The following GNB4 variants were observed in gnomAD, a reference collection of about 807,000 sequenced individuals.
The protein encoded by GNB4 is guanine nucleotide-binding protein subunit beta-4.
Under a neutral mutation model 45.2 loss-of-function variants are expected in GNB4, and 28 were observed. The ratio of observed to expected loss-of-function variants is 0.62; its 90% CI spans 0.46 to 0.85. GNB4 has a LOEUF of 0.85. Ranked by LOEUF, GNB4 falls within the 40% of genes least tolerant of loss-of-function variation. GNB4 has a pLI of 0.00. For synonymous variants in GNB4, 132 were observed against 143.7 expected, an observed-to-expected ratio of 0.92 and a Z score of 0.58; for missense variants, 321 against 425.4, an observed-to-expected ratio of 0.75 and a Z score of 2.16.
chr3:179,517,310 C>A, the GNB4 span, among the ~76,000 whole-genome samples: 1 of 152,194 alleles, frequency 6.6e-6, no homozygotes, highest in East Asian at 1.9e-4. Flanking sequence ...GAACAACCCC[C>A]CTTTGACTGT....
intron 1 of GNB4, among the ~76,000 whole-genome samples, chr3:179,446,629 G>C (rs180913425): frequency 5.9e-5 from 9 of 152,128 alleles, no homozygotes; most frequent in Middle Eastern, 3.4e-3. Flanking sequence ...CTAGGTTCTT[G>C]TATTTTAGTT....
intron 9 of GNB4, among the ~76,000 whole-genome samples, chr3:179,403,338 TGAA>T (rs376790468): frequency 2.2e-4 from 33 of 151,794 alleles, no homozygotes; most frequent in African/African-American, 7.7e-4. Context: ...AGATGATGCT[TGAA>T]GAAGAAACTT....
chr3:179,411,533 C>A (rs925668217), intron 8 of GNB4, among the ~76,000 whole-genome samples: 1 of 148,232 alleles, frequency 6.7e-6, no homozygotes, highest in Non-Finnish European at 1.5e-5. Flanking sequence ...AAAAACCACA[C>A]GAACATCTCA....
the GNB4 span, among the ~76,000 whole-genome samples, chr3:179,465,954 C>T: frequency 2.0e-5 from 3 of 150,316 alleles, no homozygotes; most frequent in African/African-American, 7.3e-5. Context: ...GGGCCACCCA[C>T]GCCCAAACAG....
rs1714211198 is a variant in GNB4 at position 179,399,217 on chromosome 3, A to G, written c.*1996T>C. On this transcript the variant is annotated 3_prime_UTR_variant, in exon 10 of 10. Coordinates refer to ENST00000232564, the MANE Select transcript of GNB4 (RefSeq NM_021629.4). ...GTTCATATAATTTTTTTTTTTTCCA[A>G]TTTGAGATGGAGTCTCACTCTGTCG... The G allele has an allele frequency of 6.6e-6, 1 of 151,372 alleles. No homozygotes were observed. The highest frequency in any genetic ancestry group is 2.4e-5 in the African/African-American group (1 of 41,234). 9.4% of individuals were successfully genotyped at this position (151,372 alleles called of 1,614,324 possible). A position where few individuals can be genotyped will look rare whatever the true frequency, so the allele number is the denominator to read the frequency against.
chr3:179,461,003 G>A, the GNB4 span, among the ~76,000 whole-genome samples: 15 of 152,086 alleles, frequency 9.9e-5, no homozygotes, highest in African/African-American at 3.6e-4. Context: ...CTTTTTGCCA[G>A]ATTTCTTAAT....
At chr3:179,494,370 A>C in the GNB4 span, among the ~76,000 whole-genome samples, 1 of 151,546 alleles carries the variant, frequency 6.6e-6, no homozygotes, top group African/African-American at 2.4e-5. Flanking sequence ...GGAGGGAAGA[A>C]GGGAGGGAGA....
the GNB4 span, among the ~76,000 whole-genome samples, chr3:179,514,507 T>A: frequency 1.3e-5 from 2 of 152,182 alleles, no homozygotes; most frequent in South Asian, 4.1e-4. Flanking sequence ...CTGAATTATG[T>A]CCCCCAGCAA....
At chr3:179,508,028 A>G in the GNB4 span, among the ~76,000 whole-genome samples, 12 of 152,198 alleles carry the variant, frequency 7.9e-5, no homozygotes, top group Admixed American at 7.9e-4. Context: ...AAGCACTGAG[A>G]ACAGAAACGG....
the GNB4 span, among the ~76,000 whole-genome samples, chr3:179,469,075 T>C: frequency 2.0e-5 from 3 of 152,198 alleles, no homozygotes; most frequent in African/African-American, 7.2e-5. Context: ...AATCCACCTA[T>C]GAACTGGAAG....
intron 6 of GNB4, among the ~76,000 whole-genome samples, chr3:179,414,043 G>A (rs1714726730): frequency 6.6e-6 from 1 of 152,018 alleles, no homozygotes; most frequent in Admixed American, 6.6e-5. Flanking sequence ...ATAAGACACA[G>A]CCCCTGCCAC....
the GNB4 span, among the ~76,000 whole-genome samples, chr3:179,490,809 C>T: frequency 6.6e-6 from 1 of 152,210 alleles, no homozygotes; most frequent in African/African-American, 2.4e-5. Flanking sequence ...ATGCCAATCT[C>T]CTTTGGAAAC....
At chr3:179,401,717 G>C (rs962734928) in intron 9 of GNB4, among the ~76,000 whole-genome samples, 8 of 152,142 alleles carry the variant, frequency 5.3e-5, no homozygotes, top group Non-Finnish European at 1.0e-4. Context: ...TTTCAATGAA[G>C]TTCACTGAAG....
At chr3:179,424,288 GAGTA>G (rs945257286) in intron 2 of GNB4, among the ~76,000 whole-genome samples, 3 of 152,218 alleles carry the variant, frequency 2.0e-5, no homozygotes, top group African/African-American at 2.4e-5. Context: ...TCAGCATCTG[GAGTA>G]AGTGACACAA....
chr3:179,419,192 T>C (rs112285738), intron 4 of GNB4, among the ~76,000 whole-genome samples: 11 of 152,362 alleles, frequency 7.2e-5, no homozygotes, highest in African/African-American at 2.2e-4. Flanking sequence ...TTCTGAACAG[T>C]TGTCCTGGAT....
At chr3:179,517,622 A>G in the GNB4 span, among the ~76,000 whole-genome samples, 105 of 152,246 alleles carry the variant, frequency 6.9e-4, no homozygotes, top group African/African-American at 2.0e-3. Flanking sequence ...CACCAATTTT[A>G]AATTGGGTAA....
intron 1 of GNB4, among the ~76,000 whole-genome samples, chr3:179,438,529 G>A (rs1335270042): frequency 1.3e-5 from 2 of 152,152 alleles, no homozygotes; most frequent in African/African-American, 4.8e-5. Context: ...ACACTACTCA[G>A]GCTAATATCT....
the GNB4 span, among the ~76,000 whole-genome samples, chr3:179,490,764 G>C: frequency 6.6e-6 from 1 of 152,058 alleles, no homozygotes; most frequent in Non-Finnish European, 1.5e-5. Flanking sequence ...CTACTTTGAG[G>C]GTGGATCTTC....
upstream of GNB4, among the ~76,000 whole-genome samples, chr3:179,453,412 G>A (rs566832706): frequency 1.3e-5 from 2 of 152,296 alleles, no homozygotes; most frequent in South Asian, 4.1e-4. Flanking sequence ...GTGAGCCACC[G>A]ATCCCGGCCC....
Sources: gnomAD v4.1 joint callset for allele counts (sites outside exome capture counted in the v4.1 genomes callset) on GRCh38, gnomAD v4.1.1 for gene constraint, MANE v1.5 for transcripts, NCBI Gene and HGNC (gene_info 2026-07-23, HGNC 2026-07-21) for gene names.